The following NAV3 variants were observed in gnomAD, a reference collection of about 807,000 sequenced individuals.
The protein encoded by NAV3 is neuron navigator 3, also known as pore membrane and/or filament interacting like protein 1.
A neutral mutation model predicts 244.7 loss-of-function variants in NAV3; 87 were observed. The observed-to-expected ratio is 0.36, with a 90% CI of 0.30 to 0.42. NAV3 has a LOEUF of 0.42. NAV3 is among the 20% of genes least tolerant of loss of function. The pLI is 1.00. For synonymous variants in NAV3, 1,126 were observed against 1,042.2 expected (o/e 1.08, Z -1.55); for missense variants, 2,663 against 2,893.3 (o/e 0.92, Z 1.83).
intron 1 of NAV3, among the ~76,000 whole-genome samples, chr12:77,845,129 G>A (rs115774236): frequency 0.012 from 1,754 of 152,164 alleles, 28 homozygotes; most frequent in African/African-American, 0.04. Flanking sequence ...ATATGTATAT[G>A]TGTGTATATA....
At chr12:77,836,488 G>C (rs769823218) in intron 1 of NAV3, among the ~76,000 whole-genome samples, 4 of 152,028 alleles carry the variant, frequency 2.6e-5, no homozygotes, top group Non-Finnish European at 4.4e-5. Flanking sequence ...GTATTTTATA[G>C]AAAATTTTTT....
rs562065664 is a variant in NAV3 at position 77,966,214 on chromosome 12, C to T, written c.415-15C>T. On this transcript the variant is annotated splice_polypyrimidine_tract_variant and intron_variant, in intron 3 of 39. Transcript: ENST00000397909. ...AATCCTCTAAGTTGCTTTTTCACTG[C>T]TTTTCATGTTGCAGATTGAAAATGT... 2 of 1,612,188 alleles carry T rather than the reference C, an allele frequency of 1.2e-6. No homozygotes were observed. Among genetic ancestry groups the T allele is most frequent in the East Asian group, 4.5e-5 (2 of 44,744 alleles).
At chr12:77,587,968 A>C (rs1186584862) in intron 2 of NAV3, among the ~76,000 whole-genome samples, 1 of 152,222 alleles carries the variant, frequency 6.6e-6, no homozygotes, top group Non-Finnish European at 1.5e-5. Flanking sequence ...TTTCCAGTCC[A>C]TCAAGTAGGT....
At chr12:77,979,070 C>T (rs1488846656) in intron 5 of NAV3, among the ~76,000 whole-genome samples, 2 of 151,352 alleles carry the variant, frequency 1.3e-5, no homozygotes, top group Middle Eastern at 6.8e-3. Context: ...ATAAAAACTG[C>T]AACTGTCTCA....
chr12:77,607,105 A>G (rs1488993652), intron 2 of NAV3, among the ~76,000 whole-genome samples: 1 of 152,102 alleles, frequency 6.6e-6, no homozygotes, highest in Non-Finnish European at 1.5e-5. Flanking sequence ...ATTCTTTCAA[A>G]GTTTTCTTAA....
intron 1 of NAV3, among the ~76,000 whole-genome samples, chr12:77,887,678 CTTA>C (rs1883449139): frequency 6.6e-6 from 1 of 152,034 alleles, no homozygotes; most frequent in Non-Finnish European, 1.5e-5. Flanking sequence ...CTTTGAGAGA[CTTA>C]TTTAGAGAGT....
rs1163606720 is a variant in NAV3, at chr12:78,211,428, C to T, written c.*911C>T. 6.6e-6 allele frequency: 1 copy of T among 152,302 alleles called. No individual in the cohort carries two copies. Among genetic ancestry groups the T allele is most frequent in the Admixed American group, 6.6e-5 (1 of 15,256 alleles). 9.4% of individuals were successfully genotyped at this position (152,302 alleles called of 1,614,324 possible). The stretch of plus-strand genomic sequence containing the variant: ...CACTGTCTTTTCATTTACAACCAAG[C>T]AACACCAGTTAACATAGTAGCCTCA... On this transcript the variant is annotated 3_prime_UTR_variant, in exon 40 of 40. Transcript: ENST00000397909.
At chr12:77,660,508 T>C (rs543728491) in intron 2 of NAV3, among the ~76,000 whole-genome samples, 2 of 152,272 alleles carry the variant, frequency 1.3e-5, no homozygotes, top group East Asian at 3.9e-4. Flanking sequence ...TATCTAAAGG[T>C]ATCCATTTTA....
intron 1 of NAV3, among the ~76,000 whole-genome samples, chr12:77,898,020 C>G (rs1884827082): frequency 6.6e-6 from 1 of 152,092 alleles, no homozygotes; most frequent in African/African-American, 2.4e-5. Flanking sequence ...TGATTTGCTG[C>G]TTTTTTATTT....
At chr12:77,704,123 A>T (rs992195527) in intron 2 of NAV3, among the ~76,000 whole-genome samples, 1 of 152,174 alleles carries the variant, frequency 6.6e-6, no homozygotes, top group Non-Finnish European at 1.5e-5. Flanking sequence ...TGAGGAGCCT[A>T]AGGCCTTTTC....
intron 24 of NAV3, among the ~76,000 whole-genome samples, chr12:78,170,073 TGCTAATA>T (rs1389072391): frequency 6.6e-6 from 1 of 151,780 alleles, no homozygotes; most frequent in Non-Finnish European, 1.5e-5. Flanking sequence ...TTTATTAATG[TGCTAATA>T]GCTAATAACT....
intron 37 of NAV3, 75 bp from the exon 38 acceptor site, chr12:78,200,398 C>A: frequency 1.2e-6 from 1 of 836,716 alleles, no homozygotes; most frequent in East Asian, 3.0e-5. Flanking sequence ...TATTATATTC[C>A]AAAATGGTGT....
At chr12:78,197,144 A>G (rs1019957034) in intron 34 of NAV3, 103 bp from the exon 35 acceptor site, 3 of 826,942 alleles carry the variant, frequency 3.6e-6, no homozygotes, top group Admixed American at 7.9e-5. Flanking sequence ...CTTTAATGAA[A>G]GAAACGGAAT....
chr12:78,064,454 C>CCTGA (rs1464065924), intron 12 of NAV3, among the ~76,000 whole-genome samples: 4 of 151,660 alleles, frequency 2.6e-5, no homozygotes, highest in Non-Finnish European at 4.4e-5. Flanking sequence ...TGCCTGCCTG[C>CCTGA]CTGCCTGCCT....
chr12:77,696,359 T>A (rs574529441), intron 2 of NAV3, among the ~76,000 whole-genome samples: 32 of 152,226 alleles, frequency 2.1e-4, no homozygotes, highest in African/African-American at 7.7e-4. Context: ...TTGGAGAGAC[T>A]CATGTGGTGA....
At chr12:77,766,735 GTTT>G (rs748531378) in intron 2 of NAV3, among the ~76,000 whole-genome samples, 29 of 60,500 alleles carry the variant, frequency 4.8e-4, no homozygotes, top group South Asian at 1.7e-3. Context: ...AGGCAATTAA[GTTT>G]TTTTTTTTTT....
chr12:77,603,930 G>A (rs529401698), intron 2 of NAV3, among the ~76,000 whole-genome samples: 2 of 152,172 alleles, frequency 1.3e-5, no homozygotes, highest in South Asian at 4.1e-4. Flanking sequence ...AGAAGCAAAG[G>A]GTATAAGTAA....
intron 2 of NAV3, among the ~76,000 whole-genome samples, chr12:77,775,293 G>C (rs1042853341): frequency 6.6e-6 from 1 of 151,726 alleles, no homozygotes; most frequent in African/African-American, 2.4e-5. Context: ...TCGGGAGGCT[G>C]AGGCACGAAA....
At chr12:78,164,209 C>T (rs1957683649) in intron 23 of NAV3, among the ~76,000 whole-genome samples, 1 of 151,968 alleles carries the variant, frequency 6.6e-6, no homozygotes, top group South Asian at 2.1e-4. Flanking sequence ...AGCTGTCATG[C>T]CAAGGCAATT....
Sources: allele counts gnomAD v4.1 joint callset (sites outside exome capture counted in the v4.1 genomes callset), GRCh38; gene constraint gnomAD v4.1.1; transcripts MANE v1.5; gene names NCBI Gene and HGNC (gene_info 2026-07-23, HGNC 2026-07-21).